The following MROH2A variants were observed in gnomAD, a reference collection of about 807,000 sequenced individuals.
MROH2A encodes the protein maestro heat-like repeat-containing protein family member 2A.
MROH2A carries 174 observed loss-of-function variants against 200.4 expected under a neutral mutation model. The ratio of observed to expected loss-of-function variants is 0.87; its 90% confidence interval spans 0.77 to 0.98. The LOEUF (loss-of-function observed/expected upper bound fraction) is 0.98. MROH2A is among the 50% of genes least tolerant of loss of function. The pLI is 0.00. For synonymous variants in MROH2A, 829 were observed against 840.4 expected (o/e 0.99, Z 0.23); for missense variants, 2,045 against 2,139.6 (o/e 0.96, Z 0.87).
intron 3 of MROH2A, among the ~76,000 whole-genome samples, chr2:233,784,546 G>C (rs1187413002): frequency 6.6e-6 from 1 of 152,166 alleles, no homozygotes. Flanking sequence ...CCTGGAGGGA[G>C]GTGTTCGGGT....
intron 12 of MROH2A, 76 bp from the exon 13 acceptor site, chr2:233,799,704 A>T: frequency 6.5e-7 from 1 of 1,528,364 alleles, no homozygotes. Context: ...CCCAATTCCT[A>T]GCTCTCTATG....
intron 40 of MROH2A, 107 bp downstream of exon 40, chr2:233,832,386 T>G: frequency 2.9e-6 from 3 of 1,051,168 alleles, no homozygotes; most frequent in Non-Finnish European, 4.2e-6. Flanking sequence ...TGTGGCAAGC[T>G]GAGACCAGAG....
chr2:233,800,031 C>T (rs1702358114), intron 13 of MROH2A, 132 bp downstream of exon 13: 2 of 1,266,272 alleles, frequency 1.6e-6, no homozygotes, highest in Admixed American at 4.4e-5. Context: ...AGTTCATAGA[C>T]ACAGTGAACC....
chr2:233,809,648 C>T (rs7585768), intron 22 of MROH2A, among the ~76,000 whole-genome samples: 69,671 of 151,880 alleles, frequency 0.46, 16,082 homozygotes, highest in South Asian at 0.56. Context: ...CATAGACATG[C>T]AAAGGAACTG....
intron 3 of MROH2A, among the ~76,000 whole-genome samples, chr2:233,782,651 A>G (rs1281030336): frequency 1.3e-5 from 2 of 152,222 alleles, no homozygotes; most frequent in African/African-American, 4.8e-5. Flanking sequence ...AGATCGTGTC[A>G]TCTGTGAACA....
Position 233,831,533 on chromosome 2 carries a change from C to G in MROH2A, c.4727C>G (p.Ser1576Cys). Residue 1576 changes from serine (S) to cysteine (C), a missense_variant, in exon 39 of 42, where the codon TCC (serine) becomes TGC (cysteine). Physicochemically the swap from Ser to Cys is moderately radical, Grantham distance 112 (BLOSUM62 -1). Around this residue, in one of 3 missense-constraint regions of MROH2A, gnomAD observed 1,201 missense variants for 1,311.3 expected, o/e 0.92. Coordinates refer to ENST00000389758, the MANE Select transcript of MROH2A (RefSeq NM_001394639.1). ...KMTVFQTTMC[S>C]ILTRKKPAVL... ...ACCGTTTTCCAGACAACCATGTGCT[C>G]CATCCTGGTGAGGAAGCCAAAGGGG... 6.5e-7 allele frequency: 1 copy of G among 1,549,626 alleles called. No individual in the cohort carries two copies. Among genetic ancestry groups the G allele is most frequent in the Non-Finnish European group, 8.7e-7 (1 of 1,146,534 alleles).
Position 233,807,580 on chromosome 2 carries a change from C to T in MROH2A, c.2172+38C>T. 1 of 1,548,476 alleles carries T rather than the reference C, an allele frequency of 6.5e-7. No homozygotes were observed. The highest frequency in any genetic ancestry group is 8.7e-7 in the Non-Finnish European group (1 of 1,145,882). On this transcript the variant is annotated intron_variant, in intron 20 of 41. Transcript: ENST00000389758. This position sits in a 1 kb window ranked among gnomAD's most constrained non-coding sequence, Gnocchi z 4.3. ...GCAGCCTCCTCCTGTCCACCAGATGCCTCTGGACCCTCGGGGACATGTGTG... is the reference window on the plus strand; with the variant it reads ...GCAGCCTCCTCCTGTCCACCAGATGTCTCTGGACCCTCGGGGACATGTGTG...
Position 233,828,226 on chromosome 2 carries a change from C to T in MROH2A, c.4114-404C>T, listed in dbSNP as rs1351295606. Among the ~76,000 whole-genome samples, 1 of 152,186 alleles carries T rather than the reference C, an allele frequency of 6.6e-6. No individual in the cohort carries two copies. Among genetic ancestry groups the T allele is most frequent in the Non-Finnish European group, 1.5e-5 (1 of 68,042 alleles). On this transcript the variant is annotated intron_variant, in intron 35 of 41. Coordinates refer to ENST00000389758, the MANE Select transcript of MROH2A (RefSeq NM_001394639.1). This position sits in a 1 kb window ranked among gnomAD's most constrained non-coding sequence, Gnocchi z 4.6. ...ACATGTACACACATGCATGCACCCA[C>T]ACGCATACCAGTGAGGTTTTGGCAC...
chr2:233,794,011 A>C (rs1701950390), intron 7 of MROH2A, among the ~76,000 whole-genome samples, 187 bp downstream of exon 7: 1 of 152,170 alleles, frequency 6.6e-6, no homozygotes, highest in Non-Finnish European at 1.5e-5. Context: ...TAGGAGCCTC[A>C]TCCACGAGGC....
In MROH2A at chr2:233,798,713, C is replaced by T. The variant is rs991368871; in HGVS notation, c.1253-61C>T. The stretch of plus-strand genomic sequence containing the variant: ...CAGAACGTGAGGCCCTGATGTGGGA[C>T]GAGCCACCTGACCTCTCCCTGAGCC... On this transcript the variant is annotated intron_variant, in intron 11 of 41. Transcript: ENST00000389758. 8.2e-5 allele frequency: 103 copies of T among 1,257,138 alleles called. 1 individual carries two copies. The Middle Eastern group carries it at 4.9e-3, about 60-fold the overall frequency. The allele number at this position is 1,257,138 out of a possible 1,614,324, so 77.9% of individuals were successfully genotyped here.
Position 233,805,000 on chromosome 2 carries a change from C to G in MROH2A, c.1945-4C>G. The G allele has an allele frequency of 6.5e-7, 1 of 1,542,286 alleles. No individual in the cohort carries two copies. Among genetic ancestry groups the G allele is most frequent in the South Asian group, 1.2e-5 (1 of 83,800 alleles). On this transcript the variant is annotated splice_polypyrimidine_tract_variant and splice_region_variant and intron_variant, in intron 18 of 41. Coordinates refer to ENST00000389758, the MANE Select transcript of MROH2A (RefSeq NM_001394639.1). ...CTTCTCACCAACGTCTTGTGCCTCCCCAGTTTCTGCGAAACTCCCTCAAGA... is the reference window on the plus strand; with the variant it reads ...CTTCTCACCAACGTCTTGTGCCTCCGCAGTTTCTGCGAAACTCCCTCAAGA...
At chr2:233,825,979 C>T (rs1704279892) in intron 35 of MROH2A, among the ~76,000 whole-genome samples, 1 of 128,366 alleles carries the variant, frequency 7.8e-6, no homozygotes, top group South Asian at 2.4e-4. Flanking sequence ...GGCTGGAGTG[C>T]AATGGCGTGA....
chr2:233,796,100 G>C (rs759172), intron 10 of MROH2A, 55 bp downstream of exon 10: 1,381,604 of 1,535,336 alleles, frequency 0.9, 622,512 homozygotes, highest in East Asian at 1. Context: ...CAGGAGGCCT[G>C]TAGGAGTCCC....
In MROH2A at chr2:233,779,517, C is replaced by T. The variant is rs1050271755; in HGVS notation, c.94+65C>T. On this transcript the variant is annotated intron_variant, in intron 2 of 41. Transcript: ENST00000389758. ...TCAGACACTAACTCTTTGACTGCAG[C>T]CCCAGCCTAGGTCTCCCTTTCTCCA... The T allele has an allele frequency of 5.7e-6, 8 of 1,413,294 alleles. No homozygotes were observed. In the Admixed American group the frequency reaches 5.9e-5, roughly 10 times the overall value. 87.5% of individuals were successfully genotyped at this position (1,413,294 alleles called of 1,614,324 possible).
intron 7 of MROH2A, among the ~76,000 whole-genome samples, chr2:233,794,039 G>C (rs1332701857): frequency 6.6e-6 from 1 of 152,198 alleles, no homozygotes; most frequent in Non-Finnish European, 1.5e-5. Context: ...GATGAAGGTT[G>C]GTGATAATCC....
rs1369311997 is a variant in MROH2A at position 233,802,198 on chromosome 2, A to G, written c.1591A>G (p.Met531Val). Residue 531 changes from methionine (M) to valine (V), a missense_variant, in exon 15 of 42, where the codon ATG (methionine) becomes GTG (valine). By Grantham distance (21) the Met-to-Val change is conservative (BLOSUM62 1). Coordinates refer to ENST00000389758, the MANE Select transcript of MROH2A (RefSeq NM_001394639.1). ...TTGGGTGAGGCTGCTGTGCTACATC[A>G]TGGAGACAGACTACGTGGAAGCTTT... ...EFWVRLLCYIMETDYVEALTP... is the reference protein window; with the variant it reads ...EFWVRLLCYIVETDYVEALTP... 1 of 1,550,238 alleles carries G rather than the reference A, an allele frequency of 6.5e-7. No individual in the cohort carries two copies. Among genetic ancestry groups the G allele is most frequent in the Non-Finnish European group, 8.7e-7 (1 of 1,146,858 alleles).
At chr2:233,787,203 A>G (rs1372274210) in intron 3 of MROH2A, among the ~76,000 whole-genome samples, 2 of 151,960 alleles carry the variant, frequency 1.3e-5, no homozygotes, top group African/African-American at 2.4e-5. Context: ...ATCACAAAAA[A>G]GGCTGATCTT....
intron 33 of MROH2A, 68 bp from the exon 34 acceptor site, chr2:233,822,813 T>TGCA (rs1174163839): frequency 1.5e-5 from 23 of 1,526,974 alleles, no homozygotes; most frequent in Admixed American, 2.0e-5. Context: ...CTTCACAGAT[T>TGCA]GCAGCAGCCT....
At chr2:233,784,967 A>G (rs1285888542) in intron 3 of MROH2A, among the ~76,000 whole-genome samples, 1 of 152,048 alleles carries the variant, frequency 6.6e-6, no homozygotes, top group Non-Finnish European at 1.5e-5. Flanking sequence ...CCAATGTGGT[A>G]AAACCCCATC....
Sources: allele counts gnomAD v4.1 joint callset (sites outside exome capture counted in the v4.1 genomes callset), GRCh38; gene constraint gnomAD v4.1.1; regional missense constraint gnomAD v4.1.1; non-coding constraint Gnocchi (gnomAD v3.1); transcripts MANE v1.5; gene names NCBI Gene and HGNC (gene_info 2026-07-23, HGNC 2026-07-21).